MYL6: variants seen among roughly 807,000 people sequenced by gnomAD.
MYL6 encodes the protein myosin light chain 6.
Under a neutral mutation model 20.3 loss-of-function variants are expected in MYL6, and 20 were observed. The ratio of observed to expected loss-of-function variants is 0.98; its 90% CI spans 0.69 to 1.43. The LOEUF is 1.43. Among genes scored for constraint, MYL6 ranks in the 40% most tolerant of loss-of-function variants. The pLI is 0.00. For synonymous variants in MYL6, 77 were observed against 72.4 expected (o/e 1.06, Z -0.32); for missense variants, 164 against 191.0 (o/e 0.86, Z 0.83).
rs149040633 is a variant in MYL6, at chr12:56,158,581, G to GGAGTTTGTGGGTCA, written c.4-77_4-64dup. The GGAGTTTGTGGGTCA allele has an allele frequency of 6.2e-4, 996 of 1,613,954 alleles. 4 individuals are homozygous for GGAGTTTGTGGGTCA. Among genetic ancestry groups the GGAGTTTGTGGGTCA allele is most frequent in the South Asian group, 2.5e-3 (232 of 91,074 alleles). On this transcript the variant is annotated intron_variant, in intron 1 of 6. Transcript: ENST00000550697. ...GGAAGCGAGTCTGCAGCCTGAAACA[G>GGAGTTTGTGGGTCA]GAGTTTGTGGGTCAGAGTTTGTGGG...
In MYL6 at chr12:56,160,585, TTTGTC is replaced by T. The variant is rs746410857; in HGVS notation, c.428-33_428-29del. On this transcript the variant is annotated intron_variant, in intron 5 of 6. Coordinates refer to ENST00000550697, the MANE Select transcript of MYL6 (RefSeq NM_021019.5). The stretch of plus-strand genomic sequence containing the variant: ...ACTGCCTGACCCCTCACCCCATGTC[TTTGTC>T]TTGTCTTCACCATGAATGTCTCTTC... 555 of 1,611,928 alleles carry T rather than the reference TTTGTC, an allele frequency of 3.4e-4. 1 individual carries two copies. Among genetic ancestry groups the T allele is most frequent in the Middle Eastern group, 4.9e-4 (3 of 6,082 alleles).
At position 56,160,669 on chromosome 12, in the gene MYL6, G is replaced by A. The variant is rs373569168; in HGVS notation, c.*15G>A. On this transcript the variant is annotated splice_region_variant and 3_prime_UTR_variant, in exon 6 of 7. Coordinates refer to ENST00000550697, the MANE Select transcript of MYL6 (RefSeq NM_021019.5). ...TGTCGGGGTGACGGGCCCATGGGGC[G>A]GGTACGGCTCCTCCCAGCCTCTCCT... 121 of 1,614,000 alleles carry A rather than the reference G, an allele frequency of 7.5e-5. No individual in the cohort carries two copies. Among genetic ancestry groups the A allele is most frequent in the Non-Finnish European group, 8.8e-5 (104 of 1,180,002 alleles).
In MYL6 at chr12:56,160,750, C is replaced by A; in HGVS notation, c.*16+80C>A. ...CCCAACCTGTGCTCTTTATCCCCTG[C>A]CCTTACCCTACTACCATCTGACTTC... is the stretch of plus-strand genomic sequence containing the variant. On this transcript the variant is annotated intron_variant, in intron 6 of 6. Coordinates refer to ENST00000550697, the MANE Select transcript of MYL6 (RefSeq NM_021019.5). 3.4e-6 allele frequency: 5 copies of A among 1,454,158 alleles called. No individual in the cohort carries two copies. The South Asian group carries it at 4.8e-5, about 14-fold the overall frequency. The allele number at this position is 1,454,158 out of a possible 1,614,324, so 90.1% of individuals were successfully genotyped here. A position where few individuals can be genotyped will look rare whatever the true frequency, so the allele number is the denominator to read the frequency against.
chr12:56,160,492 A>G, intron 5 of MYL6, 134 bp from the exon 6 acceptor site: 3 of 1,411,312 alleles, frequency 2.1e-6, no homozygotes, highest in Non-Finnish European at 3.0e-6. Context: ...GTATAACAGG[A>G]AAGGAAGGGG....
intron 3 of MYL6, 93 bp from the exon 4 acceptor site, chr12:56,159,882 T>C: frequency 6.5e-7 from 1 of 1,528,302 alleles, no homozygotes. Flanking sequence ...GAGTCATCTG[T>C]CATCTCTCTG....
chr12:56,161,325 G>A, intron 6 of MYL6, 62 bp from the exon 7 acceptor site: 1 of 1,598,374 alleles, frequency 6.3e-7, no homozygotes, highest in Non-Finnish European at 8.6e-7. Flanking sequence ...GTAGTCCCCT[G>A]GCCCTTGGCG....
At position 56,159,697 on chromosome 12, in the gene MYL6, G is replaced by A. The variant is rs1441078437; in HGVS notation, c.142G>A (p.Val48Met). ...ALGQNPTNAE[V>M]LKVLGNPKSD... The stretch of plus-strand genomic sequence containing the variant: ...GGGCCAGAACCCTACCAACGCCGAG[G>A]TGCTCAAGGTCCTGGGGAACCCCAA... The change falls in exon 3 of 7, where the codon GTG becomes ATG. Residue 48 changes from valine (V) to methionine (M), a missense_variant. Coordinates refer to ENST00000550697, the MANE Select transcript of MYL6 (RefSeq NM_021019.5). 6.2e-7 allele frequency: 1 copy of A among 1,614,050 alleles called. No individual in the cohort carries two copies. The highest frequency in any genetic ancestry group is 8.5e-7 in the Non-Finnish European group (1 of 1,180,016).
In MYL6 at chr12:56,161,566, C is replaced by T. The variant is rs1871873679; in HGVS notation, c.*196C>T. The T allele has an allele frequency of 1.1e-6, 1 of 944,800 alleles. No individual in the cohort carries two copies. Among genetic ancestry groups the T allele is most frequent in the Admixed American group, 1.8e-5 (1 of 55,378 alleles). The allele number at this position is 944,800 out of a possible 1,614,324, so 58.5% of individuals were successfully genotyped here. On this transcript the variant is annotated 3_prime_UTR_variant, in exon 7 of 7. Transcript: ENST00000550697. ...CGTCAGCATTCACCAAATAAACTTG[C>T]TCTCTGGGCCCTCGGTTCGGTTCTT...
rs1871589401 is a variant in MYL6 at position 56,159,629 on chromosome 12, G to A, written c.74G>A (p.Gly25Asp). Residue 25 changes from glycine to aspartate, a missense_variant, in exon 3 of 7, where the codon GGC becomes GAC. Gly to Asp is a moderately conservative substitution (Grantham distance 94, BLOSUM62 -1). Transcript: ENST00000550697. ...AFQLFDRTGDGKILYSQCGDV... is the reference protein window; with the variant it reads ...AFQLFDRTGDDKILYSQCGDV... ...CAGCTGTTTGACCGAACAGGTGATGGCAAGATCCTGTACAGCCAGTGTGGG... is the reference window on the plus strand; with the variant it reads ...CAGCTGTTTGACCGAACAGGTGATGACAAGATCCTGTACAGCCAGTGTGGG... 6.2e-7 allele frequency: 1 copy of A among 1,613,940 alleles called. No homozygotes were observed. Among genetic ancestry groups the A allele is most frequent in the South Asian group, 1.1e-5 (1 of 91,080 alleles).
At chr12:56,161,119 T>G in intron 6 of MYL6, 1 of 594,146 alleles carries the variant, frequency 1.7e-6, no homozygotes, top group South Asian at 2.0e-5. Flanking sequence ...TGGCTGACAG[T>G]AGCTGTAGGT....
intron 2 of MYL6, 117 bp from the exon 3 acceptor site, chr12:56,159,470 G>GA: frequency 7.3e-7 from 1 of 1,370,228 alleles, no homozygotes. Flanking sequence ...TTGGTGTACA[G>GA]TTTGGTGCAG....
rs374119193 is a variant in MYL6, at chr12:56,161,339, C to A, written c.*17-48C>A. 1.9e-6 allele frequency: 3 copies of A among 1,612,052 alleles called. No individual in the cohort carries two copies. The African/African-American group carries it at 4.0e-5, about 22-fold the overall frequency. On this transcript the variant is annotated intron_variant, in intron 6 of 6. Coordinates refer to ENST00000550697, the MANE Select transcript of MYL6 (RefSeq NM_021019.5). ...GGTAGTCCCCTGGCCCTTGGCGTAC[C>A]CCTCCACAGCCCTGTTCCCTGGCTC...
At chr12:56,158,428 G>C in intron 1 of MYL6, 24 bp downstream of exon 1, 4 of 1,538,794 alleles carry the variant, frequency 2.6e-6, no homozygotes, top group Non-Finnish European at 3.5e-6. Flanking sequence ...CTTGGGAGAC[G>C]GGCAGGATTG....
At chr12:56,159,458 C>A in intron 2 of MYL6, 129 bp from the exon 3 acceptor site, 1 of 1,258,536 alleles carries the variant, frequency 7.9e-7, no homozygotes, top group Non-Finnish European at 1.1e-6. Context: ...CTTAAGTAGA[C>A]TTTGGTGTAC....
Position 56,160,080 on chromosome 12 carries a change from G to A in MYL6, c.281G>A (p.Arg94Gln). 3.7e-6 allele frequency: 6 copies of A among 1,614,196 alleles called. No homozygotes were observed. The highest frequency in any genetic ancestry group is 5.1e-6 in the Non-Finnish European group (6 of 1,180,044). The change falls in exon 4 of 7, where the codon CGG becomes CAG. Residue 94 changes from arginine to glutamine, a missense_variant. Arg to Gln is a conservative substitution (Grantham distance 43, BLOSUM62 1). Coordinates refer to ENST00000550697, the MANE Select transcript of MYL6 (RefSeq NM_021019.5). ...GTYEDYVEGL[R>Q]VFDKEGNGTV... is the part of the protein sequence containing the mutation. The stretch of plus-strand genomic sequence containing the variant: ...TATGAGGATTATGTCGAAGGACTTC[G>A]GGTGTTTGACAAGGAAGGAAATGGC...
At chr12:56,158,599 T>C in intron 1 of MYL6, 85 bp from the exon 2 acceptor site, 2 of 1,613,268 alleles carry the variant, frequency 1.2e-6, no homozygotes, top group Non-Finnish European at 8.5e-7. Flanking sequence ...TGGGTCAGAG[T>C]TTGTGGGTCA....
Position 56,161,437 on chromosome 12 carries a change from A to G in MYL6, c.*67A>G. ...CTGAGGACCTTCCCAGTCTCCCCAGAGTCCGTGCCTTTCCCTGTGTGAATT... is the reference window on the plus strand; with the variant it reads ...CTGAGGACCTTCCCAGTCTCCCCAGGGTCCGTGCCTTTCCCTGTGTGAATT... On this transcript the variant is annotated 3_prime_UTR_variant, in exon 7 of 7. Transcript: ENST00000550697. The G allele has an allele frequency of 2.5e-6, 4 of 1,614,020 alleles. No individual in the cohort carries two copies. The highest frequency in any genetic ancestry group is 3.4e-6 in the Non-Finnish European group (4 of 1,179,884).
intron 2 of MYL6, 39 bp from the exon 3 acceptor site, chr12:56,159,548 A>G: frequency 6.2e-7 from 1 of 1,604,400 alleles, no homozygotes; most frequent in Non-Finnish European, 8.5e-7. Flanking sequence ...GTTTGGATTA[A>G]CCCTCAAATC....
At chr12:56,159,062 A>G in intron 2 of MYL6, 6 of 656,090 alleles carry the variant, frequency 9.1e-6, no homozygotes, top group Non-Finnish European at 1.1e-5. Context: ...TCCTCTTGTG[A>G]TAACTGTCCC....
Sources: allele counts gnomAD v4.1 joint callset, GRCh38; gene constraint gnomAD v4.1.1; transcripts MANE v1.5; gene names NCBI Gene and HGNC (gene_info 2026-07-23, HGNC 2026-07-21).